The following SGK3 variants were observed in gnomAD, a reference collection of about 807,000 sequenced individuals.
SGK3 encodes serine/threonine-protein kinase Sgk3.
SGK3 carries 47 observed loss-of-function variants against 68.5 expected under a neutral mutation model. The ratio of observed to expected loss-of-function variants is 0.69; its 90% CI spans 0.54 to 0.87. SGK3 has a LOEUF of 0.87. Among genes scored for constraint, SGK3 ranks in the 40% least tolerant of loss-of-function variants. The probability of loss-of-function intolerance (pLI) is 0.00; values close to 1 mark genes in which losing one functional copy is unlikely to be tolerated. For synonymous variants in SGK3, 181 were observed against 189.1 expected, an observed-to-expected ratio of 0.96 and a Z score of 0.35; for missense variants, 479 against 575.5, an observed-to-expected ratio of 0.83 and a Z score of 1.72.
Position 66,805,082 on chromosome 8 carries a change from A to T in SGK3, c.253+635A>T, listed in dbSNP as rs186024349. ...TGACAGAGCGAGACCCTATTAAAAA[A>T]TTTTTTAATTGATCCTTCAGGTTAA... On this transcript the variant is annotated intron_variant, in intron 4 of 16. Transcript: ENST00000521198. Among the ~76,000 whole-genome samples the T allele has an allele frequency of 3.1e-3, 473 of 152,126 alleles. 6 individuals carry two copies. Among genetic ancestry groups the T allele is most frequent in the African/African-American group, 0.011 (448 of 41,476 alleles).
chr8:66,760,495 C>A (rs755303635), intron 1 of SGK3, among the ~76,000 whole-genome samples: 4 of 151,776 alleles, frequency 2.6e-5, no homozygotes, highest in African/African-American at 9.7e-5. Flanking sequence ...CCACCACACC[C>A]GGCTAACTTT....
At chr8:66,744,041 C>CT (rs1389058802) in intron 1 of SGK3, among the ~76,000 whole-genome samples, 2 of 152,156 alleles carry the variant, frequency 1.3e-5, no homozygotes, top group South Asian at 2.1e-4. Flanking sequence ...TTTGCTGCTT[C>CT]TTTTTTTGGC....
chr8:66,792,790 G>C (rs1807520615), intron 1 of SGK3, among the ~76,000 whole-genome samples: 1 of 152,176 alleles, frequency 6.6e-6, no homozygotes, highest in African/African-American at 2.4e-5. Flanking sequence ...TACTTGGAAG[G>C]CTCAAGCAGG....
intron 1 of SGK3, among the ~76,000 whole-genome samples, chr8:66,714,025 C>T (rs1804567932): frequency 6.6e-6 from 1 of 152,190 alleles, no homozygotes; most frequent in Non-Finnish European, 1.5e-5. Context: ...TTTCAACTGC[C>T]GTTGTGCCCA....
chr8:66,720,355 T>G (rs28720946), intron 1 of SGK3, among the ~76,000 whole-genome samples: 17,629 of 152,036 alleles, frequency 0.12, 2,755 homozygotes, highest in African/African-American at 0.35. Context: ...TTAGAACAGC[T>G]GGCATGGTAG....
At chr8:66,822,072 T>G (rs1808857877) in intron 5 of SGK3, among the ~76,000 whole-genome samples, 1 of 152,016 alleles carries the variant, frequency 6.6e-6, no homozygotes. Flanking sequence ...TCATTATCAT[T>G]TTAACTTATA....
chr8:66,721,685 A>T (rs1426384672), intron 1 of SGK3, among the ~76,000 whole-genome samples: 8 of 145,052 alleles, frequency 5.5e-5, no homozygotes, highest in Non-Finnish European at 1.2e-4. Flanking sequence ...GCTATTTATA[A>T]TTTTTTTTTT....
rs1350892401 is a variant in SGK3, at chr8:66,723,107, ATATATATATATATATATATATATATTTT to A, written c.-122+10276_-122+10303del. ...ATTTTGTTCATATATATATATATATATATATATATATATATATATATATATTTTTTTTTTTTTTTTTTTTTGTAAAAGG... is the reference window on the plus strand; with the variant it reads ...ATTTTGTTCATATATATATATATATATTTTTTTTTTTTTTTTTGTAAAAGG... On this transcript the variant is annotated intron_variant, in intron 1 of 16. Coordinates refer to ENST00000521198, the MANE Select transcript of SGK3 (RefSeq NM_001033578.3). Among the ~76,000 whole-genome samples the A allele has an allele frequency of 2.0e-4, 8 of 39,182 alleles. 1 individual carries two copies. Among genetic ancestry groups the A allele is most frequent in the Non-Finnish European group, 4.1e-4 (8 of 19,702 alleles). The allele number at this position is 39,182 out of a possible 152,430, so 25.7% of individuals were successfully genotyped here. A position where few individuals can be genotyped will look rare whatever the true frequency, so the allele number is the denominator to read the frequency against.
intron 11 of SGK3, 24 bp from the exon 12 acceptor site, chr8:66,840,187 G>A (rs199681141): frequency 6.0e-5 from 95 of 1,594,892 alleles, no homozygotes; most frequent in South Asian, 1.1e-4. Flanking sequence ...TCAGTTTTGC[G>A]TTTCTTTCCT....
At chr8:66,768,827 C>T (rs1410618152) in intron 1 of SGK3, among the ~76,000 whole-genome samples, 2 of 152,174 alleles carry the variant, frequency 1.3e-5, no homozygotes, top group African/African-American at 4.8e-5. Context: ...CCTCCTCAGC[C>T]TCCTACAAGT....
intron 1 of SGK3, among the ~76,000 whole-genome samples, chr8:66,754,558 T>C (rs1322423732): frequency 6.6e-6 from 1 of 152,200 alleles, no homozygotes; most frequent in Non-Finnish European, 1.5e-5. Context: ...CATGATGAGA[T>C]CTCTTGGGGA....
chr8:66,779,710 A>G (rs1307542068), intron 1 of SGK3, among the ~76,000 whole-genome samples: 1 of 149,080 alleles, frequency 6.7e-6, no homozygotes, highest in Non-Finnish European at 1.5e-5. Context: ...AATTTTTGAA[A>G]TGTTAAAATA....
chr8:66,826,406 AT>A (rs914140761), intron 6 of SGK3, among the ~76,000 whole-genome samples: 4 of 150,056 alleles, frequency 2.7e-5, no homozygotes, highest in East Asian at 1.9e-4. Context: ...ACACTGAAAT[AT>A]TTTTTTCTTC....
intron 13 of SGK3, 86 bp from the exon 14 acceptor site, chr8:66,843,366 T>A (rs1809871704): frequency 7.3e-7 from 1 of 1,375,626 alleles, no homozygotes. Context: ...TAGCAACAAC[T>A]AAAATTTGTT....
Position 66,841,071 on chromosome 8 carries a change from T to C in SGK3, c.939T>C (p.Ala313=). 6.3e-7 allele frequency: 1 copy of C among 1,599,432 alleles called. No individual in the cohort carries two copies. Among genetic ancestry groups the C allele is most frequent in the Non-Finnish European group, 8.5e-7 (1 of 1,173,074 alleles). The change falls in exon 13 of 17, where the codon GCT becomes GCC. Residue 313 remains alanine, a synonymous_variant. Transcript: ENST00000521198. ...TDFGLCKEGI[A]ISDTTTTFCG... ...TTGGGCTTTGTAAAGAAGGAATTGC[T>C]ATTTCTGACACCACTACCACATTTT...
At chr8:66,817,213 A>G (rs1247674438) in intron 5 of SGK3, among the ~76,000 whole-genome samples, 1 of 152,014 alleles carries the variant, frequency 6.6e-6, no homozygotes, top group Non-Finnish European at 1.5e-5. Context: ...CAGGCGGATC[A>G]TGAGGTCAAG....
intron 1 of SGK3, among the ~76,000 whole-genome samples, chr8:66,720,535 C>T (rs886984745): frequency 2.0e-5 from 3 of 151,864 alleles, no homozygotes; most frequent in Non-Finnish European, 2.9e-5. Context: ...TTTGGGAGGC[C>T]AAGGCGGGTG....
intron 6 of SGK3, among the ~76,000 whole-genome samples, chr8:66,823,486 C>T (rs1303292533): frequency 2.0e-5 from 3 of 151,630 alleles, no homozygotes; most frequent in Non-Finnish European, 4.4e-5. Flanking sequence ...CAAGCTGTGC[C>T]TCCCAGGTTC....
At chr8:66,821,616 C>T (rs942626275) in intron 5 of SGK3, among the ~76,000 whole-genome samples, 14 of 151,576 alleles carry the variant, frequency 9.2e-5, no homozygotes, top group African/African-American at 3.4e-4. Context: ...GGGCTCACAC[C>T]ATTCTCCTGC....
Sources: gnomAD v4.1 joint callset for allele counts (sites outside exome capture counted in the v4.1 genomes callset) on GRCh38, gnomAD v4.1.1 for gene constraint, MANE v1.5 for transcripts, NCBI Gene and HGNC (gene_info 2026-07-23, HGNC 2026-07-21) for gene names.